Variants in PDE4D observed in about 807,000 individuals in gnomAD.
PDE4D encodes the protein phosphodiesterase 4D.
In PDE4D, 24 loss-of-function variants were observed where a neutral mutation model predicts 87.4. The ratio of observed to expected loss-of-function variants is 0.27; its 90% CI spans 0.20 to 0.39. The LOEUF (loss-of-function observed/expected upper bound fraction) is 0.39. Among genes scored for constraint, PDE4D ranks in the 10% least tolerant of loss-of-function variants. PDE4D has a pLI of 1.00. For missense variants in PDE4D, 714 were observed against 1,041.0 expected (o/e 0.69, Z 4.32); for synonymous variants, 384 against 383.2 (o/e 1.00, Z -0.02).
At chr5:59,513,800 G>A (rs1392196420) in intron 1 of PDE4D, among the ~76,000 whole-genome samples, 2 of 152,262 alleles carry the variant, frequency 1.3e-5, no homozygotes, top group Non-Finnish European at 1.5e-5. Context: ...TGGACCACAG[G>A]ATTTCATGAA....
intron 2 of PDE4D, among the ~76,000 whole-genome samples, chr5:59,992,244 C>T (rs1763083223): frequency 6.6e-6 from 1 of 152,168 alleles, no homozygotes; most frequent in African/African-American, 2.4e-5. Flanking sequence ...ATAGAATCAT[C>T]AAATGTTACA....
At chr5:59,616,918 CATATATATATATATATATAT>C (rs55821264) in intron 1 of PDE4D, among the ~76,000 whole-genome samples, 1 of 62,890 alleles carries the variant, frequency 1.6e-5, no homozygotes, top group East Asian at 5.4e-4. Flanking sequence ...CTAATAATTA[CATATATATATATATATATAT>C]ATATATATCT....
At chr5:59,631,783 C>T (rs1184162446) in intron 1 of PDE4D, among the ~76,000 whole-genome samples, 3 of 152,310 alleles carry the variant, frequency 2.0e-5, no homozygotes, top group African/African-American at 7.2e-5. Flanking sequence ...GTGCCTATAC[C>T]ACAAGGGCTC....
At chr5:59,183,606 AACTTC>A in intron 4 of PDE4D, among the ~76,000 whole-genome samples, 1 of 152,170 alleles carries the variant, frequency 6.6e-6, no homozygotes. Context: ...ACAACCAGTT[AACTTC>A]ATTTCTTCTG....
At chr5:59,337,490 G>A (rs540059101) in intron 1 of PDE4D, among the ~76,000 whole-genome samples, 3 of 151,842 alleles carry the variant, frequency 2.0e-5, no homozygotes, top group Non-Finnish European at 4.4e-5. Context: ...TCATAAATAG[G>A]AGCAGTCAAC....
intron 1 of PDE4D, among the ~76,000 whole-genome samples, chr5:60,246,216 T>C (rs570156147): frequency 6.6e-6 from 1 of 152,048 alleles, no homozygotes; most frequent in African/African-American, 2.4e-5. Flanking sequence ...TTAATTAATA[T>C]TAACATTCAG....
chr5:60,426,476 A>G (rs1743723924), intron 1 of PDE4D, among the ~76,000 whole-genome samples: 1 of 152,156 alleles, frequency 6.6e-6, no homozygotes, highest in African/African-American at 2.4e-5. Context: ...TGGGAATTGA[A>G]CAATGAGAAC....
chr5:59,088,018 A>G (rs2153426886), intron 5 of PDE4D, among the ~76,000 whole-genome samples: 1 of 152,306 alleles, frequency 6.6e-6, no homozygotes, highest in Admixed American at 6.5e-5. Context: ...GGACTGTCTT[A>G]ATCTACTTTA....
intron 1 of PDE4D, among the ~76,000 whole-genome samples, chr5:59,501,067 T>C (rs574558849): frequency 6.6e-6 from 1 of 152,314 alleles, no homozygotes; most frequent in South Asian, 2.1e-4. Context: ...AAGTCCTGAA[T>C]GTGAAATCCA....
intron 1 of PDE4D, among the ~76,000 whole-genome samples, chr5:60,228,081 T>C (rs1304976141): frequency 6.6e-6 from 1 of 152,044 alleles, no homozygotes; most frequent in Non-Finnish European, 1.5e-5. Flanking sequence ...TCCTTGCCCT[T>C]TAAATAATTC....
At chr5:59,757,803 AC>A (rs796712066) in intron 1 of PDE4D, among the ~76,000 whole-genome samples, 2 of 152,102 alleles carry the variant, frequency 1.3e-5, no homozygotes, top group South Asian at 4.2e-4. Flanking sequence ...TTGTTTTTAC[AC>A]CTCTTATGTA....
intron 5 of PDE4D, among the ~76,000 whole-genome samples, chr5:59,171,462 G>A (rs909146019): frequency 6.6e-6 from 1 of 152,136 alleles, no homozygotes; most frequent in Non-Finnish European, 1.5e-5. Flanking sequence ...GATTGGAAAT[G>A]CTCAATGATT....
At chr5:59,490,237 G>A (rs1212517416) in intron 1 of PDE4D, among the ~76,000 whole-genome samples, 1 of 152,030 alleles carries the variant, frequency 6.6e-6, no homozygotes, top group African/African-American at 2.4e-5. Context: ...AAAGTAGGTG[G>A]TTGAACTTAA....
chr5:60,050,506 G>T (rs1769994981), intron 2 of PDE4D, among the ~76,000 whole-genome samples: 1 of 152,144 alleles, frequency 6.6e-6, no homozygotes. Flanking sequence ...GTCACCACCA[G>T]GCCTGCCTTA....
chr5:59,581,687 C>A (rs150687944), intron 1 of PDE4D, among the ~76,000 whole-genome samples: 3 of 152,228 alleles, frequency 2.0e-5, no homozygotes, highest in African/African-American at 7.2e-5. Flanking sequence ...AACAACTTTG[C>A]TCCTCTATCA....
chr5:59,485,942 C>T (rs1805066995), intron 1 of PDE4D, among the ~76,000 whole-genome samples: 1 of 151,980 alleles, frequency 6.6e-6, no homozygotes, highest in Non-Finnish European at 1.5e-5. Flanking sequence ...TATCTAAATA[C>T]CATCAAAGCT....
chr5:59,908,822 A>G (rs1223475184), intron 3 of PDE4D, among the ~76,000 whole-genome samples: 1 of 152,220 alleles, frequency 6.6e-6, no homozygotes, highest in Non-Finnish European at 1.5e-5. Flanking sequence ...TTGACTAAGA[A>G]TTAATTAAAT....
intron 1 of PDE4D, among the ~76,000 whole-genome samples, chr5:59,686,223 A>T (rs939856383): frequency 6.6e-6 from 1 of 152,148 alleles, no homozygotes; most frequent in African/African-American, 2.4e-5. Context: ...AGCAAATTTA[A>T]CATCTATTGA....
At chr5:59,384,668 C>T (rs1484088064) in intron 1 of PDE4D, among the ~76,000 whole-genome samples, 8 of 151,974 alleles carry the variant, frequency 5.3e-5, no homozygotes, top group Non-Finnish European at 1.2e-4. Context: ...AAACAGTCTG[C>T]AAAACTATAC....
Sources: gnomAD v4.1 joint callset for allele counts (sites outside exome capture counted in the v4.1 genomes callset) on GRCh38, gnomAD v4.1.1 for gene constraint, MANE v1.5 for transcripts, NCBI Gene and HGNC (gene_info 2026-07-23, HGNC 2026-07-21) for gene names.